MMP26: variants seen among roughly 807,000 people sequenced by gnomAD.
The protein encoded by MMP26 is matrix metallopeptidase 26.
MMP26 carries 33 observed loss-of-function variants against 31.0 expected under a neutral mutation model. The observed-to-expected ratio is 1.06, with a 90% CI of 0.81 to 1.42. MMP26 has a LOEUF of 1.42. Among genes scored for constraint, MMP26 ranks in the 40% most tolerant of loss-of-function variants. The probability of loss-of-function intolerance (pLI) is 0.00; values close to 1 mark genes in which losing one functional copy is unlikely to be tolerated. For missense variants in MMP26, 347 were observed against 316.1 expected (o/e 1.10, Z -0.74); for synonymous variants, 122 against 114.9 (o/e 1.06, Z -0.40).
At chr11:4,790,143 C>T (rs1250600077) in intron 2 of MMP26, among the ~76,000 whole-genome samples, 2 of 151,950 alleles carry the variant, frequency 1.3e-5, no homozygotes, top group Non-Finnish European at 2.9e-5. Flanking sequence ...AGATTGAGAC[C>T]ATCCTGGCTA....
At chr11:4,842,495 C>T (rs1258804447) in intron 2 of MMP26, among the ~76,000 whole-genome samples, 7 of 152,086 alleles carry the variant, frequency 4.6e-5, no homozygotes, top group South Asian at 2.1e-4. Context: ...CACATGGTGA[C>T]GGGAGAGAGA....
chr11:4,867,108 C>T (rs902386609), intron 2 of MMP26, among the ~76,000 whole-genome samples: 15 of 152,086 alleles, frequency 9.9e-5, no homozygotes, highest in Non-Finnish European at 1.6e-4. Context: ...TAAAGAGCTT[C>T]TGCACAGCAA....
intron 2 of MMP26, among the ~76,000 whole-genome samples, chr11:4,862,694 G>C (rs1850179880): frequency 6.6e-6 from 1 of 152,102 alleles, no homozygotes; most frequent in Admixed American, 6.6e-5. Flanking sequence ...TACCTTTTCT[G>C]CCTCCTGTTT....
intron 1 of MMP26, among the ~76,000 whole-genome samples, chr11:4,746,575 C>A (rs557597308): frequency 6.6e-6 from 1 of 151,998 alleles, no homozygotes; most frequent in Non-Finnish European, 1.5e-5. Context: ...TGGTGGCTCA[C>A]GCCTGTAATC....
chr11:4,828,724 C>T (rs1295370672), intron 2 of MMP26, among the ~76,000 whole-genome samples: 1 of 152,044 alleles, frequency 6.6e-6, no homozygotes. Flanking sequence ...CACTTATGTG[C>T]TTCTTTTCTA....
At chr11:4,758,322 G>A (rs80263091) in intron 1 of MMP26, among the ~76,000 whole-genome samples, 2,918 of 152,138 alleles carry the variant, frequency 0.019, 89 homozygotes, top group African/African-American at 0.065. Flanking sequence ...AAGTAGGGCA[G>A]TGTTTGTCTC....
At chr11:4,705,480 T>C (rs1474842738) in intron 1 of MMP26, among the ~76,000 whole-genome samples, 2 of 152,166 alleles carry the variant, frequency 1.3e-5, no homozygotes, top group African/African-American at 4.8e-5. Context: ...GTGATAGTAA[T>C]GAATGTGAAG....
At chr11:4,909,738 G>T (rs945331829) in intron 2 of MMP26, among the ~76,000 whole-genome samples, 1 of 152,072 alleles carries the variant, frequency 6.6e-6, no homozygotes, top group African/African-American at 2.4e-5. Flanking sequence ...CTATTTGAAA[G>T]ATCTTTCTAA....
chr11:4,764,682 ACT>A (rs1848606308), intron 1 of MMP26, among the ~76,000 whole-genome samples: 1 of 152,168 alleles, frequency 6.6e-6, no homozygotes, highest in East Asian at 1.9e-4. Context: ...CATCTTGGCT[ACT>A]AACACGGTGA....
chr11:4,925,795 A>G (rs1205005700), intron 2 of MMP26, among the ~76,000 whole-genome samples: 3 of 151,342 alleles, frequency 2.0e-5, no homozygotes, highest in Non-Finnish European at 2.9e-5. Context: ...ATGAAGTAGG[A>G]CAAGTTTGTT....
intron 2 of MMP26, chr11:4,944,529 T>G (rs1362794544): frequency 6.5e-6 from 1 of 152,792 alleles, no homozygotes; most frequent in Non-Finnish European, 1.5e-5. Context: ...CGGTCAGTTG[T>G]GGGCTGATTA....
intron 1 of MMP26, among the ~76,000 whole-genome samples, chr11:4,717,219 C>T (rs1405193418): frequency 6.6e-6 from 1 of 152,110 alleles, no homozygotes; most frequent in African/African-American, 2.4e-5. Context: ...CATTTGTTTT[C>T]TGAACTATCC....
At chr11:4,769,796 A>C in intron 2 of MMP26, 1 of 1,613,390 alleles carries the variant, frequency 6.2e-7, no homozygotes. Context: ...GTTCCCAGAG[A>C]GGGCAATGGC....
intron 2 of MMP26, among the ~76,000 whole-genome samples, chr11:4,898,402 G>A (rs1323330740): frequency 1.3e-5 from 2 of 151,672 alleles, no homozygotes; most frequent in Non-Finnish European, 2.9e-5. Context: ...ATTTCTTTGT[G>A]TTTATCCTGT....
intron 2 of MMP26, among the ~76,000 whole-genome samples, chr11:4,843,984 A>C (rs1331528969): frequency 6.6e-6 from 1 of 152,206 alleles, no homozygotes; most frequent in African/African-American, 2.4e-5. Flanking sequence ...TAAAACAAAA[A>C]GGTTTTTTGA....
chr11:4,937,599 G>A (rs1012497636), intron 2 of MMP26: 2 of 114,960 alleles, frequency 1.7e-5, no homozygotes, highest in African/African-American at 2.9e-5. Flanking sequence ...ACTGCTGTCT[G>A]GGGGTAGCAA....
chr11:4,956,200 G>C (rs867522314), intron 2 of MMP26, among the ~76,000 whole-genome samples: 1 of 152,074 alleles, frequency 6.6e-6, no homozygotes. Flanking sequence ...ATATTTTGGC[G>C]GGCATTTTTG....
chr11:4,735,696 T>A (rs1589886708), intron 1 of MMP26, among the ~76,000 whole-genome samples: 2 of 152,302 alleles, frequency 1.3e-5, no homozygotes, highest in East Asian at 1.9e-4. Flanking sequence ...CTCGCAATAG[T>A]AGACCCTCAG....
chr11:4,831,204 CTT>C (rs1157874717), intron 2 of MMP26, among the ~76,000 whole-genome samples: 1 of 152,290 alleles, frequency 6.6e-6, no homozygotes, highest in Non-Finnish European at 1.5e-5. Flanking sequence ...TGCTCAGAGA[CTT>C]TCCATGAAAG....
Sources: allele counts gnomAD v4.1 joint callset (sites outside exome capture counted in the v4.1 genomes callset), GRCh38; gene constraint gnomAD v4.1.1; transcripts MANE v1.5; gene names NCBI Gene and HGNC (gene_info 2026-07-23, HGNC 2026-07-21).